Variants in MYO3A observed in about 807,000 individuals in gnomAD.
MYO3A encodes myosin-IIIa.
In MYO3A, 180 loss-of-function variants were observed where a neutral mutation model predicts 192.7. That is an observed-to-expected ratio of 0.93 (90% CI 0.83 to 1.06). The LOEUF (loss-of-function observed/expected upper bound fraction) is 1.06, where lower values mean the gene tolerates loss of function less well. Among genes scored for constraint, MYO3A ranks in the 50% least tolerant of loss-of-function variants. The pLI is 0.00. For missense variants in MYO3A, 1,896 were observed against 1,905.0 expected (o/e 1.00, Z 0.09); for synonymous variants, 628 against 645.3 (o/e 0.97, Z 0.41).
chr10:26,023,297 G>A (rs1304556011), intron 8 of MYO3A: 1 of 152,208 alleles, frequency 6.6e-6, no homozygotes, highest in Non-Finnish European at 1.5e-5. Flanking sequence ...AAAACAAAGA[G>A]CTGTTAGAAT....
chr10:26,032,388 G>A (rs1482758227), intron 10 of MYO3A, among the ~76,000 whole-genome samples: 1 of 152,106 alleles, frequency 6.6e-6, no homozygotes, highest in East Asian at 1.9e-4. Flanking sequence ...AGGCCGAGGC[G>A]GGTGGATCAC....
intron 17 of MYO3A, among the ~76,000 whole-genome samples, chr10:26,116,606 T>C (rs1838520992): frequency 6.6e-6 from 1 of 152,192 alleles, no homozygotes; most frequent in Non-Finnish European, 1.5e-5. Context: ...ACCTCTATTC[T>C]TATTTTTATA....
intron 10 of MYO3A, among the ~76,000 whole-genome samples, chr10:26,051,745 G>T (rs1844018769): frequency 6.6e-6 from 1 of 151,918 alleles, no homozygotes; most frequent in African/African-American, 2.4e-5. Context: ...ATGGCTCATA[G>T]GTCAAATCAG....
At position 26,065,605 on chromosome 10, in the gene MYO3A, A is replaced by AAAAT. The variant is rs1834782851; in HGVS notation, c.954-1367_954-1366insTAAA. The stretch of plus-strand genomic sequence containing the variant: ...ATCTCCAAAAAAAAAAAAAAAAAAA[A>AAAAT]AAAAAAAAGTATACATAATTCTTTT... On this transcript the variant is annotated intron_variant, in intron 10 of 34. Transcript: ENST00000642920. Among the ~76,000 whole-genome samples the AAAAT allele has an allele frequency of 2.5e-5, 3 of 118,724 alleles. 1 individual carries two copies. The highest frequency in any genetic ancestry group is 2.2e-4 in the East Asian group (1 of 4,484). The allele number at this position is 118,724 out of a possible 152,430, so 77.9% of individuals were successfully genotyped here.
intron 10 of MYO3A, among the ~76,000 whole-genome samples, chr10:26,060,886 A>G (rs554668127): frequency 6.6e-6 from 1 of 152,198 alleles, no homozygotes; most frequent in Non-Finnish European, 1.5e-5. Flanking sequence ...GTATTGAATT[A>G]AGGTAATGAA....
intron 14 of MYO3A, among the ~76,000 whole-genome samples, chr10:26,079,631 T>C (rs1835798621): frequency 6.6e-6 from 1 of 152,218 alleles, no homozygotes; most frequent in South Asian, 2.1e-4. Flanking sequence ...ATTTATGCTT[T>C]AAAGATGTTC....
rs536095110 is a variant in MYO3A, at chr10:26,061,244, G to A, written c.954-5731G>A. Among the ~76,000 whole-genome samples the A allele has an allele frequency of 7.9e-5, 12 of 152,118 alleles. No homozygotes were observed. In the East Asian group the frequency reaches 2.1e-3, roughly 27 times the overall value. ...ACGCCCGGCCGACACCTTGTTTTTT[G>A]CAGCTTTGTATCAAGACATAAAAGG... On this transcript the variant is annotated intron_variant, in intron 10 of 34. Transcript: ENST00000642920.
intron 8 of MYO3A, chr10:26,021,949 A>C (rs2131085963): frequency 7.7e-6 from 3 of 391,252 alleles, no homozygotes; most frequent in South Asian, 6.4e-5. Context: ...TGAGTCAGTG[A>C]GGCATCAGAG....
Position 26,170,541 on chromosome 10 carries a change from TATA to T in MYO3A, c.3398+5_3398+7del, listed in dbSNP as rs1194851219. Reference sequence around the variant, plus strand: ...CAAGAAAAACTTTGAAAATACAAGGTATAATGATGTTCATTCTTATACCGTTGT... The same window carrying T: ...CAAGAAAAACTTTGAAAATACAAGGTATGATGTTCATTCTTATACCGTTGT... On this transcript the variant is annotated splice_donor_5th_base_variant and intron_variant, in intron 29 of 34. Transcript: ENST00000642920. 1 of 1,608,652 alleles carries T rather than the reference TATA, an allele frequency of 6.2e-7. No individual in the cohort carries two copies. The highest frequency in any genetic ancestry group is 8.5e-7 in the Non-Finnish European group (1 of 1,177,052).
chr10:25,976,354 C>G (rs138850971), intron 4 of MYO3A, among the ~76,000 whole-genome samples: 2 of 152,232 alleles, frequency 1.3e-5, no homozygotes, highest in Admixed American at 1.3e-4. Context: ...ACAGTTTCTG[C>G]TTTTGTAGCC....
At chr10:26,176,357 G>C (rs1416163758) in intron 30 of MYO3A, among the ~76,000 whole-genome samples, 1 of 152,190 alleles carries the variant, frequency 6.6e-6, no homozygotes, top group African/African-American at 2.4e-5. Flanking sequence ...GCAGCAGAGG[G>C]GTCCTCAGGA....
chr10:26,163,186 A>T (rs1841565874), intron 26 of MYO3A, among the ~76,000 whole-genome samples: 1 of 152,236 alleles, frequency 6.6e-6, no homozygotes, highest in African/African-American at 2.4e-5. Context: ...AACAATTTAA[A>T]GCCAATGCTT....
chr10:26,073,712 A>G (rs1835360165), intron 14 of MYO3A, among the ~76,000 whole-genome samples: 1 of 151,824 alleles, frequency 6.6e-6, no homozygotes, highest in East Asian at 1.9e-4. Flanking sequence ...ATGCAAGTCA[A>G]AGAAGCCAGA....
At chr10:26,016,674 T>A in intron 6 of MYO3A, 146 bp from the exon 7 acceptor site, 2 of 772,130 alleles carry the variant, frequency 2.6e-6, no homozygotes, top group South Asian at 2.9e-5. Flanking sequence ...AAATCCTGAT[T>A]TAGGATCCTT....
At chr10:25,941,874 G>A (rs549829812) in intron 2 of MYO3A, among the ~76,000 whole-genome samples, 1 of 152,108 alleles carries the variant, frequency 6.6e-6, no homozygotes, top group South Asian at 2.1e-4. Context: ...TTTGCGACTG[G>A]CTTATTTTTC....
chr10:26,195,345 C>T (rs998024040), intron 32 of MYO3A, among the ~76,000 whole-genome samples: 5 of 152,212 alleles, frequency 3.3e-5, no homozygotes, highest in Non-Finnish European at 5.9e-5. Context: ...ATACCCTCTT[C>T]CAGGCCAGCA....
rs1398804951 is a variant in MYO3A, at chr10:25,954,953, G to A, written c.248G>A (p.Gly83Glu). Residue 83 changes from glycine (G) to glutamate (E), a missense_variant, in exon 4 of 35, where the codon GGG becomes GAG. Transcript: ENST00000642920. ...CACCCTAATGTGGTCAGATTCTATG[G>A]GATATACTTTAAGAAGGATAAAGTA... ...SDHPNVVRFY[G>E]IYFKKDKVNG... The A allele has an allele frequency of 1.2e-5, 19 of 1,612,550 alleles. No individual in the cohort carries two copies. The highest frequency in any genetic ancestry group is 1.5e-5 in the Non-Finnish European group (18 of 1,179,034).
At position 26,162,913 on chromosome 10, in the gene MYO3A, C is replaced by T. The variant is rs1463025945; in HGVS notation, c.3000-3154C>T. 2.0e-5 allele frequency among the ~76,000 whole-genome samples: 3 copies of T among 152,262 alleles called. No homozygotes were observed. The South Asian group carries it at 6.2e-4, about 32-fold the overall frequency. ...CCAGTTAATCTGTTAATTGAAGATACATTGAGGAGAGTTTTTAGAATATTG... is the reference window on the plus strand; with the variant it reads ...CCAGTTAATCTGTTAATTGAAGATATATTGAGGAGAGTTTTTAGAATATTG... On this transcript the variant is annotated intron_variant, in intron 26 of 34. Transcript: ENST00000642920.
chr10:26,092,938 G>A (rs1836785933), intron 15 of MYO3A, among the ~76,000 whole-genome samples: 1 of 152,126 alleles, frequency 6.6e-6, no homozygotes, highest in African/African-American at 2.4e-5. Flanking sequence ...TTAACTTTCT[G>A]ATTGTCCGCT....
Sources: allele counts gnomAD v4.1 joint callset (sites outside exome capture counted in the v4.1 genomes callset), GRCh38; gene constraint gnomAD v4.1.1; transcripts MANE v1.5; gene names NCBI Gene and HGNC (gene_info 2026-07-23, HGNC 2026-07-21).